Variants in CERS6 observed in about 807,000 individuals in gnomAD.
The protein encoded by CERS6 is LAG1 homolog, ceramide synthase 6.
Under a neutral mutation model 56.8 loss-of-function variants are expected in CERS6, and 26 were observed. The ratio of observed to expected loss-of-function variants is 0.46; its 90% CI spans 0.34 to 0.63. The LOEUF (loss-of-function observed/expected upper bound fraction) is 0.63. CERS6 is among the 30% of genes least tolerant of loss of function. CERS6 has a pLI of 0.01. For missense variants in CERS6, 415 were observed against 467.5 expected (o/e 0.89, Z 1.04); for synonymous variants, 164 against 173.3 (o/e 0.95, Z 0.42).
intron 1 of CERS6, among the ~76,000 whole-genome samples, chr2:168,523,261 A>G (rs998981416): frequency 6.6e-5 from 10 of 152,282 alleles, no homozygotes; most frequent in Non-Finnish European, 1.3e-4. Flanking sequence ...GCAAGGAAGG[A>G]AGCAGAAGTT....
At chr2:168,520,900 C>T (rs11690302) in intron 1 of CERS6, among the ~76,000 whole-genome samples, 38,585 of 151,848 alleles carry the variant, frequency 0.25, 6,021 homozygotes, top group East Asian at 0.52. Context: ...TGAGCCACCA[C>T]GCTCAATTGG....
intron 1 of CERS6, among the ~76,000 whole-genome samples, chr2:168,481,660 C>T (rs908180024): frequency 6.6e-6 from 1 of 152,158 alleles, no homozygotes; most frequent in Admixed American, 6.5e-5. Context: ...CTTCAATGCC[C>T]AATGTTTCTT....
In CERS6 at chr2:168,476,972, G is replaced by T. The variant is rs529838064; in HGVS notation, c.170+20354G>T. Among the ~76,000 whole-genome samples the T allele has an allele frequency of 5.3e-5, 8 of 152,164 alleles. No homozygotes were observed. The East Asian group carries it at 1.4e-3, about 26-fold the overall frequency. ...TTGACACCCAAAATTAACCATCACA[G>T]GTTGCTATGACAAAATACCATAGAC... On this transcript the variant is annotated intron_variant, in intron 1 of 9. Coordinates refer to ENST00000305747, the MANE Select transcript of CERS6 (RefSeq NM_203463.3).
intron 4 of CERS6, among the ~76,000 whole-genome samples, chr2:168,666,351 C>A (rs1310540640): frequency 6.6e-6 from 1 of 152,162 alleles, no homozygotes; most frequent in East Asian, 1.9e-4. Context: ...AACCACTCAT[C>A]TTCTTACTTT....
At chr2:168,502,129 G>A (rs2105345610) in intron 1 of CERS6, among the ~76,000 whole-genome samples, 1 of 152,210 alleles carries the variant, frequency 6.6e-6, no homozygotes, top group Non-Finnish European at 1.5e-5. Context: ...CGACACTTGG[G>A]CAAAGTCCCC....
At chr2:168,721,328 T>C (rs1687360435) in intron 8 of CERS6, among the ~76,000 whole-genome samples, 1 of 152,164 alleles carries the variant, frequency 6.6e-6, no homozygotes, top group South Asian at 2.1e-4. Flanking sequence ...TGTATGGATA[T>C]ACCACATTTT....
chr2:168,646,136 A>G (rs988217804), intron 4 of CERS6, among the ~76,000 whole-genome samples: 2 of 152,180 alleles, frequency 1.3e-5, no homozygotes, highest in African/African-American at 4.8e-5. Flanking sequence ...ACAATGGTTT[A>G]ACTAATTTGC....
At chr2:168,588,862 C>A (rs1255178906) in intron 3 of CERS6, among the ~76,000 whole-genome samples, 1 of 152,208 alleles carries the variant, frequency 6.6e-6, no homozygotes, top group Admixed American at 6.5e-5. Context: ...CCTCAGCCTC[C>A]TGAGGAGCTG....
intron 8 of CERS6, among the ~76,000 whole-genome samples, chr2:168,763,687 C>T (rs537477743): frequency 1.3e-5 from 2 of 152,086 alleles, no homozygotes; most frequent in East Asian, 1.9e-4. Flanking sequence ...GTCTTAAATT[C>T]GAGAGTTTTC....
intron 6 of CERS6, among the ~76,000 whole-genome samples, chr2:168,699,356 A>G (rs1321736508): frequency 6.6e-6 from 1 of 152,218 alleles, no homozygotes; most frequent in Non-Finnish European, 1.5e-5. Flanking sequence ...GAAGACGTTC[A>G]TGAGGTTGTT....
At chr2:168,565,311 G>A (rs1331464346) in intron 3 of CERS6, among the ~76,000 whole-genome samples, 1 of 152,126 alleles carries the variant, frequency 6.6e-6, no homozygotes, top group African/African-American at 2.4e-5. Context: ...ACGTGCCCGA[G>A]CCCCATCCCA....
chr2:168,563,344 TA>T (rs1265154706), intron 3 of CERS6, among the ~76,000 whole-genome samples: 1 of 152,214 alleles, frequency 6.6e-6, no homozygotes, highest in Non-Finnish European at 1.5e-5. Context: ...AAAATGCTTC[TA>T]AATGATTGCT....
chr2:168,570,773 C>T (rs1695971119), intron 3 of CERS6, among the ~76,000 whole-genome samples: 1 of 152,072 alleles, frequency 6.6e-6, no homozygotes, highest in African/African-American at 2.4e-5. Context: ...TGTTGCCAAG[C>T]CCCAGATTTT....
intron 1 of CERS6, among the ~76,000 whole-genome samples, chr2:168,543,960 C>G (rs578047709): frequency 3.2e-4 from 49 of 152,224 alleles, no homozygotes; most frequent in African/African-American, 1.2e-3. Context: ...AAATGCAAAG[C>G]CCCTTTGGAA....
chr2:168,472,780 A>AGC (rs1362367892), intron 1 of CERS6, among the ~76,000 whole-genome samples: 1 of 152,230 alleles, frequency 6.6e-6, no homozygotes, highest in Admixed American at 6.5e-5. Context: ...AAGGATGTTA[A>AGC]ATAGGATAGG....
At chr2:168,748,003 G>C (rs183575423) in intron 8 of CERS6, among the ~76,000 whole-genome samples, 1 of 152,182 alleles carries the variant, frequency 6.6e-6, no homozygotes, top group Non-Finnish European at 1.5e-5. Context: ...TAAGCCAGTT[G>C]TATTTCTTCT....
At chr2:168,650,111 G>A (rs779213788) in intron 4 of CERS6, among the ~76,000 whole-genome samples, 1 of 152,174 alleles carries the variant, frequency 6.6e-6, no homozygotes, top group Non-Finnish European at 1.5e-5. Context: ...GCTGTTCCAC[G>A]TAGCAGTGCT....
intron 3 of CERS6, among the ~76,000 whole-genome samples, chr2:168,586,526 G>A (rs1028374324): frequency 1.3e-5 from 2 of 152,064 alleles, no homozygotes; most frequent in African/African-American, 2.4e-5. Flanking sequence ...AAGGCTGTCC[G>A]ATCTTCAAAT....
At chr2:168,622,136 A>C (rs939002567) in intron 3 of CERS6, among the ~76,000 whole-genome samples, 2 of 152,194 alleles carry the variant, frequency 1.3e-5, no homozygotes, top group Non-Finnish European at 2.9e-5. Flanking sequence ...TTACAGAATC[A>C]GCTAAAGCTC....
Sources: allele counts gnomAD v4.1 joint callset (sites outside exome capture counted in the v4.1 genomes callset), GRCh38; gene constraint gnomAD v4.1.1; transcripts MANE v1.5; gene names NCBI Gene and HGNC (gene_info 2026-07-23, HGNC 2026-07-21).